Variants in DPEP3 observed in about 807,000 individuals in gnomAD.
DPEP3 encodes the protein dipeptidase 3.
DPEP3 carries 42 observed loss-of-function variants against 47.5 expected under a neutral mutation model. That is an observed-to-expected ratio of 0.88 (90% confidence interval 0.69 to 1.14). The LOEUF is 1.14. Ranked by LOEUF, DPEP3 falls within the 50% of genes most tolerant of loss-of-function variation. The pLI is 0.00. For missense variants in DPEP3, 560 were observed against 635.0 expected, an observed-to-expected ratio of 0.88 and a Z score of 1.27; for synonymous variants, 276 against 270.2, an observed-to-expected ratio of 1.02 and a Z score of -0.21.
Position 67,978,550 on chromosome 16 carries a change from A to G in DPEP3, c.491T>C (p.Ile164Thr), listed in dbSNP as rs746271481. The change falls in exon 3 of 10, where the codon ATT becomes ACT. Residue 164 changes from isoleucine (I) to threonine (T), a missense_variant. Ile to Thr is a moderately conservative substitution (Grantham distance 89). Coordinates refer to ENST00000268793, the MANE Select transcript of DPEP3 (RefSeq NM_001370198.1). This position sits in a 1 kb window ranked among gnomAD's most constrained non-coding sequence, Gnocchi z 4.4. ...AGAGTAGGAGGCACACATGCGGTGA[A>G]TGAGGTCAATCTGCTCCAGGGCGAG... ...VRLALEQIDL[I>T]HRMCASYSEL... 2 of 1,614,076 alleles carry G rather than the reference A, an allele frequency of 1.2e-6. No individual in the cohort carries two copies. The highest frequency in any genetic ancestry group is 1.7e-6 in the Non-Finnish European group (2 of 1,179,974).
intron 1 of DPEP3, 102 bp downstream of exon 1, chr16:67,979,992 G>A: frequency 6.9e-7 from 1 of 1,459,062 alleles, no homozygotes; most frequent in Non-Finnish European, 9.2e-7. Flanking sequence ...GGGGTGGTGT[G>A]AGGGAGCCTC....
In DPEP3 at chr16:67,976,191, C is replaced by G; in HGVS notation, c.1132G>C (p.Val378Leu). Residue 378 changes from valine (V) to leucine (L), a missense_variant, in exon 9 of 10, where the codon GTC (valine) becomes CTC (leucine). Physicochemically the swap from Val to Leu is conservative, Grantham distance 32. Coordinates refer to ENST00000268793, the MANE Select transcript of DPEP3 (RefSeq NM_001370198.1). The part of the protein sequence containing the change: ...QGLEDVSTYP[V>L]LIEELLSRSW... ...CGACTCAGCAACTCCTCTATCAGGA[C>G]TGGGTATGTGGACACATCCTCCAGC... The G allele has an allele frequency of 6.2e-7, 1 of 1,614,224 alleles. No individual in the cohort carries two copies. The highest frequency in any genetic ancestry group is 8.5e-7 in the Non-Finnish European group (1 of 1,180,036).
chr16:67,979,849 C>G (rs1378017080), intron 1 of DPEP3, 84 bp from the exon 2 acceptor site: 2 of 1,555,552 alleles, frequency 1.3e-6, no homozygotes, highest in Non-Finnish European at 1.7e-6. Flanking sequence ...TCCTCCACCC[C>G]ACCAGGCACC....
In DPEP3 at chr16:67,978,097, T is replaced by A; in HGVS notation, c.687-90A>T. The A allele has an allele frequency of 6.3e-7, 1 of 1,581,988 alleles. No individual in the cohort carries two copies. ...CCTGGCTCTATCCATCCATCCTGCT[T>A]CCAGAACAGGTGCAGAACCAGCTGC... On this transcript the variant is annotated intron_variant, in intron 4 of 9. Transcript: ENST00000268793. The surrounding 1 kb of genome is among the most constrained non-coding windows in gnomAD (Gnocchi z 4.4).
Position 67,979,625 on chromosome 16 carries a change from T to C in DPEP3, c.414+14A>G. 1 of 1,613,268 alleles carries C rather than the reference T, an allele frequency of 6.2e-7. No individual in the cohort carries two copies. Among genetic ancestry groups the C allele is most frequent in the Non-Finnish European group, 8.5e-7 (1 of 1,179,788 alleles). Reference sequence around the variant, plus strand: ...AGCAGCCATGCTGTGGCACCCTGTGTGTCCCTGTGGTACCTGGGCACCCAC... The same window carrying C: ...AGCAGCCATGCTGTGGCACCCTGTGCGTCCCTGTGGTACCTGGGCACCCAC... On this transcript the variant is annotated intron_variant, in intron 2 of 9. Transcript: ENST00000268793.
rs566884670 is a variant in DPEP3, at chr16:67,978,089, A to C, written c.687-82T>G. 5.7e-6 allele frequency: 9 copies of C among 1,588,750 alleles called. No individual in the cohort carries two copies. The African/African-American group carries it at 9.4e-5, about 17-fold the overall frequency. On this transcript the variant is annotated intron_variant, in intron 4 of 9. Coordinates refer to ENST00000268793, the MANE Select transcript of DPEP3 (RefSeq NM_001370198.1). This position sits in a 1 kb window ranked among gnomAD's most constrained non-coding sequence, Gnocchi z 4.4. Reference sequence around the variant, plus strand: ...CTGGGGGCCCTGGCTCTATCCATCCATCCTGCTTCCAGAACAGGTGCAGAA... The same window carrying C: ...CTGGGGGCCCTGGCTCTATCCATCCCTCCTGCTTCCAGAACAGGTGCAGAA...
Position 67,977,972 on chromosome 16 carries a change from T to C in DPEP3, c.722A>G (p.Tyr241Cys), listed in dbSNP as rs2031236985. 1 of 1,613,816 alleles carries C rather than the reference T, an allele frequency of 6.2e-7. No individual in the cohort carries two copies. ...GCTTGTCAATCCGCTGACGTTGGTGTACATGTGGTGTCTGAACTTGGTGGA... is the reference window on the plus strand; with the variant it reads ...GCTTGTCAATCCGCTGACGTTGGTGCACATGTGGTGTCTGAACTTGGTGGA... ...ESSTKFRHHM[Y>C]TNVSGLTSFG... The change falls in exon 5 of 10, where the codon TAC becomes TGC. Residue 241 changes from tyrosine to cysteine, a missense_variant. Transcript: ENST00000268793.
At chr16:67,976,303 T>C in intron 8 of DPEP3, 75 bp from the exon 9 acceptor site, 1 of 1,581,316 alleles carries the variant, frequency 6.3e-7, no homozygotes, top group Non-Finnish European at 8.6e-7. Flanking sequence ...CCACCAGCCC[T>C]AGTCACACAG....
Position 67,975,920 on chromosome 16 carries a change from GGTGGGAGTGGCAGGATGTGCTCAGT to G in DPEP3, c.1287_1311del (p.Gln429HisfsTer15). On this transcript the variant is annotated frameshift_variant, in exon 10 of 10. Transcript: ENST00000268793. LOFTEE classifies it high-confidence loss of function. ...GCCTGGTGTCCATTCTGAGGCACGA[GGTGGGAGTGGCAGGATGTGCTCAGT>G]TGCCCATATGGAAACTCAGCCTCCA... The G allele has an allele frequency of 6.2e-7, 1 of 1,613,958 alleles. No homozygotes were observed.
Position 67,976,684 on chromosome 16 carries a change from T to G in DPEP3, c.1094+16A>C. 1 of 1,613,258 alleles carries G rather than the reference T, an allele frequency of 6.2e-7. No homozygotes were observed. On this transcript the variant is annotated intron_variant, in intron 8 of 9. Transcript: ENST00000268793. ...GCTGCACCCCAGCCTAAGAGAAACC[T>G]CAGGGAAGCACTCACCGGCCAGTCC...
At chr16:67,976,856 C>T in intron 7 of DPEP3, 81 bp from the exon 8 acceptor site, 1 of 1,216,754 alleles carries the variant, frequency 8.2e-7, no homozygotes, top group East Asian at 2.4e-5. Context: ...CAGGCTGTGG[C>T]AGTTGGCTCC....
chr16:67,978,692 C>A lies in DPEP3; in HGVS notation c.415-66G>T. 6.3e-7 allele frequency: 1 copy of A among 1,590,726 alleles called. No homozygotes were observed. The highest frequency in any genetic ancestry group is 8.6e-7 in the Non-Finnish European group (1 of 1,166,830). ...TCTTCAACCCCCTAGGCCTGCCACTCCTGCCTCAGACCCCATAACACCCAT... is the reference window on the plus strand; with the variant it reads ...TCTTCAACCCCCTAGGCCTGCCACTACTGCCTCAGACCCCATAACACCCAT... On this transcript the variant is annotated intron_variant, in intron 2 of 9. Transcript: ENST00000268793. This position sits in a 1 kb window ranked among gnomAD's most constrained non-coding sequence, Gnocchi z 4.4.
rs2031216913 is a variant in DPEP3, at chr16:67,977,311, AC to A, written c.976del (p.Val326CysfsTer54). The A allele has an allele frequency of 1.9e-6, 3 of 1,613,716 alleles. No homozygotes were observed. The highest frequency in any genetic ancestry group is 1.6e-4 in the Middle Eastern group (1 of 6,084). Reference protein sequence around the residue: ...GIVMVTLSMGVLQCNLLANVS... With the variant: ...GIVMVTLSMGXLQCNLLANVS... ...GTTAGCAAGCAGGTTGCACTGCAGC[AC>A]CCCCATGGACAGTGTCACCATCACG... On this transcript the variant is annotated frameshift_variant, in exon 7 of 10. Transcript: ENST00000268793. LOFTEE classifies it high-confidence loss of function.
At chr16:67,979,804 A>G (rs1382642003) in intron 1 of DPEP3, 39 bp from the exon 2 acceptor site, 1 of 1,610,890 alleles carries the variant, frequency 6.2e-7, no homozygotes, top group East Asian at 2.2e-5. Flanking sequence ...CCGCCTCCAG[A>G]TCAGTCAGGA....
At chr16:67,979,985 G>C (rs2031286952) in intron 1 of DPEP3, 109 bp downstream of exon 1, 5 of 1,430,792 alleles carry the variant, frequency 3.5e-6, no homozygotes, top group Non-Finnish European at 3.8e-6. Flanking sequence ...GCATCCAGGG[G>C]TGGTGTGAGG....
Position 67,979,783 on chromosome 16 carries a change from A to G in DPEP3, c.288-18T>C, listed in dbSNP as rs760286403. 1 of 1,613,280 alleles carries G rather than the reference A, an allele frequency of 6.2e-7. No individual in the cohort carries two copies. The highest frequency in any genetic ancestry group is 8.5e-7 in the Non-Finnish European group (1 of 1,179,712). ...CATTGTGGCTGGGGGTGTGAAGGTC[A>G]GATGGAAACACCGCCTCCAGATCAG... On this transcript the variant is annotated intron_variant, in intron 1 of 9. Transcript: ENST00000268793.
rs1362409781 is a variant in DPEP3, at chr16:67,980,475, G to A, written c.-95C>T. On this transcript the variant is annotated 5_prime_UTR_variant, in exon 1 of 10. Coordinates refer to ENST00000268793, the MANE Select transcript of DPEP3 (RefSeq NM_001370198.1). ...GATCATGACGACCCAGCCTCCCGAA[G>A]AGGGGGTTGAAGTCACGCGACTCTG... 8 of 1,437,824 alleles carry A rather than the reference G, an allele frequency of 5.6e-6. No individual in the cohort carries two copies. Among genetic ancestry groups the A allele is most frequent in the East Asian group, 2.7e-5 (1 of 37,096 alleles). 89.1% of individuals were successfully genotyped at this position (1,437,824 alleles called of 1,614,324 possible).
In DPEP3 at chr16:67,979,848, C is replaced by A. The variant is rs1478856710; in HGVS notation, c.288-83G>T. 4.5e-6 allele frequency: 7 copies of A among 1,555,292 alleles called. No homozygotes were observed. In the Admixed American group the frequency reaches 5.6e-5, roughly 12 times the overall value. On this transcript the variant is annotated intron_variant, in intron 1 of 9. Transcript: ENST00000268793. ...GTGCTTGGGTCTACCCTCCTCCACCCCACCAGGCACCTCCTCACACAGACC... is the reference window on the plus strand; with the variant it reads ...GTGCTTGGGTCTACCCTCCTCCACCACACCAGGCACCTCCTCACACAGACC...
chr16:67,978,175 C>T lies in DPEP3; in HGVS notation c.686+92G>A. 6.2e-7 allele frequency: 1 copy of T among 1,602,634 alleles called. No homozygotes were observed. The highest frequency in any genetic ancestry group is 8.5e-7 in the Non-Finnish European group (1 of 1,172,516). On this transcript the variant is annotated intron_variant, in intron 4 of 9. Coordinates refer to ENST00000268793, the MANE Select transcript of DPEP3 (RefSeq NM_001370198.1). The surrounding 1 kb of genome is among the most constrained non-coding windows in gnomAD (Gnocchi z 4.4). ...GTGTCCAGCCTCCCTCTGCGGACCC[C>T]TTCATCCTCAACGGCTTGGTCACAC...
Sources: gnomAD v4.1 joint callset for allele counts on GRCh38, gnomAD v4.1.1 for gene constraint, Gnocchi (gnomAD v3.1) non-coding constraint, MANE v1.5 for transcripts, NCBI Gene and HGNC (gene_info 2026-07-23, HGNC 2026-07-21) for gene names.